Variants in RTL4 observed in about 807,000 individuals in gnomAD.
RTL4 encodes the protein retrotransposon Gag like 4.
A neutral mutation model predicts 5.3 loss-of-function variants in RTL4; 4 were observed. The ratio of observed to expected loss-of-function variants is 0.75; its 90% confidence interval spans 0.37 to 1.72. RTL4 has a LOEUF of 1.72. RTL4 is among the 40% of genes most tolerant of loss of function. The pLI is 0.04. For missense variants in RTL4, 260 were observed against 227.1 expected (o/e 1.14, Z -0.93); for synonymous variants, 98 against 87.3 (o/e 1.12, Z -0.68).
At chrX:112,182,380 ACTC>A in the RTL4 span, among the ~76,000 whole-genome samples, 1 of 111,638 alleles carries the variant, frequency 9.0e-6, no homozygotes, top group Admixed American at 9.5e-5. Flanking sequence ...GTAATAACAA[ACTC>A]CTCCTAGCTA....
At chrX:112,332,602 A>G in the RTL4 span, among the ~76,000 whole-genome samples, 1 of 102,497 alleles carries the variant, frequency 9.8e-6, no homozygotes, top group Non-Finnish European at 2.0e-5. Flanking sequence ...AACATCGCAT[A>G]TTCTCACTCA....
At chrX:112,171,822 GC>G in the RTL4 span, among the ~76,000 whole-genome samples, 1 of 112,065 alleles carries the variant, frequency 8.9e-6, no homozygotes, top group African/African-American at 3.2e-5. Flanking sequence ...TGATGAAAAT[GC>G]TAAAAGCAAC....
the RTL4 span, among the ~76,000 whole-genome samples, chrX:112,379,875 G>A: frequency 3.7e-4 from 41 of 110,782 alleles, no homozygotes; most frequent in Admixed American, 3.8e-3. Flanking sequence ...TATGGAGTAC[G>A]GTTCTATGAT....
chrX:112,181,069 T>C, the RTL4 span, among the ~76,000 whole-genome samples: 5 of 111,138 alleles, frequency 4.5e-5, no homozygotes, highest in Non-Finnish European at 9.5e-5. Context: ...ACCCGGGAAG[T>C]GCAAGGCGTC....
chrX:112,209,921 C>G, the RTL4 span, among the ~76,000 whole-genome samples: 2 of 111,685 alleles, frequency 1.8e-5, no homozygotes, highest in Admixed American at 9.5e-5. Flanking sequence ...ATCCTAGAAG[C>G]CTCCGCTGTG....
chrX:112,132,530 TAC>T, the RTL4 span, among the ~76,000 whole-genome samples: 11 of 107,328 alleles, frequency 1.0e-4, no homozygotes, highest in African/African-American at 3.6e-4. Context: ...CATACATACA[TAC>T]AAATTTTGCA....
At chrX:112,191,402 C>G in the RTL4 span, among the ~76,000 whole-genome samples, 1 of 111,605 alleles carries the variant, frequency 9.0e-6, no homozygotes, top group African/African-American at 3.3e-5. Context: ...AAGCCCTTTT[C>G]TTGCCTTCTG....
At chrX:112,157,781 ATC>A in the RTL4 span, among the ~76,000 whole-genome samples, 2 of 112,034 alleles carry the variant, frequency 1.8e-5, no homozygotes, top group Non-Finnish European at 1.9e-5. Context: ...TCCCTGTTCA[ATC>A]TGACTAGTCT....
the RTL4 span, among the ~76,000 whole-genome samples, chrX:112,236,413 C>CTATATCTATATATAGATATAGATA: frequency 1.4e-4 from 8 of 55,913 alleles, no homozygotes; most frequent in African/African-American, 5.8e-4. Context: ...AGATATAGAT[C>CTATATCTATATATAGATATAGATA]TATATCTATA....
chrX:112,262,469 A>T, the RTL4 span, among the ~76,000 whole-genome samples: 323 of 112,388 alleles, frequency 2.9e-3, 6 homozygotes, highest in Admixed American at 0.025. Context: ...GCCATCAGAG[A>T]AATGCAAATA....
At chrX:112,099,003 G>A in the RTL4 span, among the ~76,000 whole-genome samples, 1 of 111,977 alleles carries the variant, frequency 8.9e-6, no homozygotes, top group Non-Finnish European at 1.9e-5. Context: ...AACACCAAAA[G>A]CAATGGCAAC....
At chrX:112,397,863 T>C in the RTL4 span, among the ~76,000 whole-genome samples, 1 of 112,127 alleles carries the variant, frequency 8.9e-6, no homozygotes, top group Non-Finnish European at 1.9e-5. Context: ...CACTGCTAAA[T>C]TCACTTATTT....
the RTL4 span, among the ~76,000 whole-genome samples, chrX:112,217,910 G>C: frequency 9.0e-6 from 1 of 110,878 alleles, no homozygotes; most frequent in Admixed American, 9.7e-5. Context: ...AAATCAAAAA[G>C]ATAAAAAAAG....
the RTL4 span, among the ~76,000 whole-genome samples, chrX:112,227,927 C>T: frequency 9.0e-6 from 1 of 111,292 alleles, no homozygotes; most frequent in Admixed American, 9.6e-5. Flanking sequence ...CTAGATTTTG[C>T]CATCTTGCCT....
the RTL4 span, among the ~76,000 whole-genome samples, chrX:112,435,482 T>C: frequency 1.8e-5 from 2 of 112,212 alleles, no homozygotes; most frequent in Non-Finnish European, 3.8e-5. Flanking sequence ...TTGGGGAGAA[T>C]TTGTTTTCAT....
At chrX:112,112,375 G>C in the RTL4 span, among the ~76,000 whole-genome samples, 1 of 111,748 alleles carries the variant, frequency 8.9e-6, no homozygotes, top group African/African-American at 3.3e-5. Flanking sequence ...TCCTTGATTA[G>C]AGTATAGAGG....
At chrX:112,174,731 T>A in the RTL4 span, among the ~76,000 whole-genome samples, 4 of 93,021 alleles carry the variant, frequency 4.3e-5, no homozygotes, top group Non-Finnish European at 8.6e-5. Flanking sequence ...CTCCACATCC[T>A]CTCCAGCACC....
chrX:112,298,738 T>A, the RTL4 span, among the ~76,000 whole-genome samples: 1 of 112,518 alleles, frequency 8.9e-6, no homozygotes, highest in Non-Finnish European at 1.9e-5. Context: ...AAACTGCCCT[T>A]TGGGGGTAGT....
chrX:112,163,524 G>T, the RTL4 span, among the ~76,000 whole-genome samples: 1 of 111,739 alleles, frequency 8.9e-6, no homozygotes, highest in Admixed American at 9.5e-5. Context: ...TTCTACCATA[G>T]AATCCCTGAG....
Sources: gnomAD v4.1 joint callset for allele counts (sites outside exome capture counted in the v4.1 genomes callset) on GRCh38, gnomAD v4.1.1 for gene constraint, MANE v1.5 for transcripts, NCBI Gene and HGNC (gene_info 2026-07-23, HGNC 2026-07-21) for gene names.